The following CELSR1 variants were observed in gnomAD, a reference collection of about 807,000 sequenced individuals.
The protein encoded by CELSR1 is cadherin EGF LAG seven-pass G-type receptor 1, also known as adhesion G protein-coupled receptor C1.
A neutral mutation model predicts 249.1 loss-of-function variants in CELSR1; 110 were observed. The ratio of observed to expected loss-of-function variants is 0.44; its 90% CI spans 0.38 to 0.52. The LOEUF (loss-of-function observed/expected upper bound fraction) is 0.52, where lower values mean the gene tolerates loss of function less well. Ranked by LOEUF, CELSR1 falls within the 20% of genes least tolerant of loss-of-function variation. The pLI, the probability that CELSR1 is intolerant of heterozygous loss-of-function variation, is 0.00. For missense variants in CELSR1, 4,109 were observed against 4,296.4 expected (o/e 0.96, Z 1.22); for synonymous variants, 2,113 against 1,900.0 (o/e 1.11, Z -2.92).
chr22:46,411,989 G>C lies in CELSR1; in HGVS notation c.4612-230C>G, dbSNP rs1381678751. 6.6e-6 allele frequency among the ~76,000 whole-genome samples: 1 copy of C among 152,216 alleles called. No individual in the cohort carries two copies. The highest frequency in any genetic ancestry group is 1.5e-5 in the Non-Finnish European group (1 of 68,046). On this transcript the variant is annotated intron_variant, in intron 5 of 34. Transcript: ENST00000674500. This position sits in a 1 kb window ranked among gnomAD's most constrained non-coding sequence, Gnocchi z 4.2. ...CAGAACGTGGCCTGGTCTGGACAAA[G>C]AGCTGGTGCTGATGGAATTAGCTAA...
At chr22:46,404,128 GA>G (rs1294052780) in intron 9 of CELSR1, among the ~76,000 whole-genome samples, 1 of 151,990 alleles carries the variant, frequency 6.6e-6, no homozygotes, top group African/African-American at 2.4e-5. Context: ...AATGCTACAT[GA>G]GGCTGGGCGC....
At position 46,463,870 on chromosome 22, in the gene CELSR1, G is replaced by A. The variant is rs752003530; in HGVS notation, c.4020C>T (p.Pro1340=). Residue 1340 remains proline, a synonymous_variant, in exon 2 of 35, where the codon CCC becomes CCT. Coordinates refer to ENST00000674500, the MANE Select transcript of CELSR1 (RefSeq NM_001378328.1). ...FLSSTTVLFR[P]IHPINGLRCR... ...AGCGCAGGCCGTTGATGGGGTGGATGGGCCGGAAGAGCACGGTGGTGGAGC... is the reference window on the plus strand; with the variant it reads ...AGCGCAGGCCGTTGATGGGGTGGATAGGCCGGAAGAGCACGGTGGTGGAGC... The A allele has an allele frequency of 3.2e-5, 51 of 1,612,692 alleles. No individual in the cohort carries two copies. Among genetic ancestry groups the A allele is most frequent in the African/African-American group, 4.0e-5 (3 of 74,942 alleles).
intron 9 of CELSR1, among the ~76,000 whole-genome samples, chr22:46,403,625 T>C (rs985808403): frequency 6.6e-6 from 1 of 151,950 alleles, no homozygotes; most frequent in African/African-American, 2.4e-5. Flanking sequence ...ACCTACTTGA[T>C]GTATATAGAA....
chr22:46,379,840 G>A (rs752356943), intron 22 of CELSR1, among the ~76,000 whole-genome samples: 7 of 152,064 alleles, frequency 4.6e-5, no homozygotes, highest in East Asian at 3.9e-4. Context: ...TCCCCTTCCC[G>A]GCACTCCCTC....
chr22:46,385,371 A>G (rs2079021142), intron 19 of CELSR1, among the ~76,000 whole-genome samples: 1 of 152,226 alleles, frequency 6.6e-6, no homozygotes, highest in Admixed American at 6.5e-5. Context: ...CTGGGATTAC[A>G]GGTGTGAACT....
intron 1 of CELSR1, among the ~76,000 whole-genome samples, chr22:46,503,767 C>T (rs1380405620): frequency 3.3e-5 from 5 of 152,204 alleles, no homozygotes; most frequent in African/African-American, 1.2e-4. Flanking sequence ...CAGCGTCTCA[C>T]GCCGGTAATC....
Position 46,430,939 on chromosome 22 carries a change from C to T in CELSR1, c.4611+2454G>A, listed in dbSNP as rs534694410. 7.2e-5 allele frequency among the ~76,000 whole-genome samples: 11 copies of T among 152,186 alleles called. No individual in the cohort carries two copies. Among genetic ancestry groups the T allele is most frequent in the Non-Finnish European group, 1.2e-4 (8 of 68,024 alleles). On this transcript the variant is annotated intron_variant, in intron 5 of 34. Coordinates refer to ENST00000674500, the MANE Select transcript of CELSR1 (RefSeq NM_001378328.1). The surrounding 1 kb of genome is among the most constrained non-coding windows in gnomAD (Gnocchi z 4.6). ...GCTAACACATCCTAGTGTGTGGCCC[C>T]GTCAGACCTCCTAATGGACGCCTGA...
At chr22:46,494,580 C>T (rs187319771) in intron 1 of CELSR1, among the ~76,000 whole-genome samples, 5 of 152,256 alleles carry the variant, frequency 3.3e-5, no homozygotes, top group African/African-American at 7.2e-5. Context: ...ATGATCTAGG[C>T]TCACTGAAAC....
rs1161453615 is a variant in CELSR1 at position 46,535,391 on chromosome 22, A to T, written c.1780T>A (p.Ser594Thr). 1.2e-6 allele frequency: 2 copies of T among 1,610,932 alleles called. No individual in the cohort carries two copies. Among genetic ancestry groups the T allele is most frequent in the Non-Finnish European group, 1.7e-6 (2 of 1,178,948 alleles). The change falls in exon 1 of 35, where the codon TCT becomes ACT. Residue 594 changes from serine to threonine, a missense_variant. Around this residue, in one of 7 missense-constraint regions of CELSR1, gnomAD observed 886 missense variants for 896.5 expected, o/e 0.99. Transcript: ENST00000674500. ...VVHIQAVDAD[S>T]GENARLHYRL... ...TAGTGCAGCCGGGCGTTCTCTCCAG[A>T]GTCCGCGTCCACCGCCTGAATGTGC... is the stretch of plus-strand genomic sequence containing the variant.
chr22:46,459,954 C>T (rs988992947), intron 2 of CELSR1, among the ~76,000 whole-genome samples: 1 of 152,236 alleles, frequency 6.6e-6, no homozygotes, highest in African/African-American at 2.4e-5. Context: ...CGCCTGTAAA[C>T]CCAACACTTT....
rs2078794242 is a variant in CELSR1 at position 46,367,134 on chromosome 22, T to C, written c.8080-16A>G. The C allele has an allele frequency of 1.9e-6, 3 of 1,608,406 alleles. No individual in the cohort carries two copies. The highest frequency in any genetic ancestry group is 1.3e-5 in the African/African-American group (1 of 74,958). The stretch of plus-strand genomic sequence containing the variant: ...CGAAGGGGCCCTGGAGGGAGGAAGG[T>C]GGGGTCAGCACCTGCTGCTGCCTCC... On this transcript the variant is annotated splice_polypyrimidine_tract_variant and intron_variant, in intron 28 of 34. Transcript: ENST00000674500.
chr22:46,454,942 G>A lies in CELSR1; in HGVS notation c.4183+8765C>T, dbSNP rs1458217237. On this transcript the variant is annotated intron_variant, in intron 2 of 34. Coordinates refer to ENST00000674500, the MANE Select transcript of CELSR1 (RefSeq NM_001378328.1). The surrounding 1 kb of genome is among the most constrained non-coding windows in gnomAD (Gnocchi z 5.1). ...CTTGTTTGGAAATAGGGTCTTTGTA[G>A]AGGTAATCGACTTAGGATGAGATCA... is the stretch of plus-strand genomic sequence containing the variant. 2.0e-5 allele frequency among the ~76,000 whole-genome samples: 3 copies of A among 152,244 alleles called. No homozygotes were observed. The highest frequency in any genetic ancestry group is 7.2e-5 in the African/African-American group (3 of 41,474).
In CELSR1 at chr22:46,536,636, C is replaced by T. The variant is rs920702160; in HGVS notation, c.535G>A (p.Val179Ile). Residue 179 changes from valine (V) to isoleucine (I), a missense_variant, in exon 1 of 35, where the codon GTC becomes ATC. Val to Ile is a conservative substitution (Grantham distance 29). This residue lies in a region of CELSR1 where 673 missense variants were observed against 636.8 expected (regional missense o/e 1.06). Transcript: ENST00000674500. ...AGGGCGCACAGCAGACGCAGGCGGACCGAGCCGCCCGGCGGCAGGCAGATG... is the reference window on the plus strand; with the variant it reads ...AGGGCGCACAGCAGACGCAGGCGGATCGAGCCGCCCGGCGGCAGGCAGATG... ...RPICLPPGGS[V>I]RLRLLCALRR... 1 of 1,167,628 alleles carries T rather than the reference C, an allele frequency of 8.6e-7. No individual in the cohort carries two copies. 72.3% of individuals were successfully genotyped at this position (1,167,628 alleles called of 1,614,324 possible).
chr22:46,378,511 CGGGGAGGTGCAGGTTTGGG>C, intron 23 of CELSR1, 61 bp downstream of exon 23: 2 of 1,391,572 alleles, frequency 1.4e-6, no homozygotes, highest in Non-Finnish European at 1.9e-6. Flanking sequence ...GCAGGTTTGG[CGGGGAGGTGCAGGTTTGGG>C]GGGGAGGGGC....
Position 46,440,298 on chromosome 22 carries a change from G to A in CELSR1, c.4184-887C>T, listed in dbSNP as rs1483949750. 6.6e-6 allele frequency among the ~76,000 whole-genome samples: 1 copy of A among 152,178 alleles called. No homozygotes were observed. Among genetic ancestry groups the A allele is most frequent in the Non-Finnish European group, 1.5e-5 (1 of 68,032 alleles). On this transcript the variant is annotated intron_variant, in intron 2 of 34. Transcript: ENST00000674500. The surrounding 1 kb of genome is among the most constrained non-coding windows in gnomAD (Gnocchi z 4.7). ...GGTGACACTCCCGCCCCCGGACAGG[G>A]ATGGTGAGCCGCAATCTGCACAGCC...
rs1044166061 is a variant in CELSR1, at chr22:46,413,780, T to C, written c.4612-2021A>G. 6.6e-6 allele frequency among the ~76,000 whole-genome samples: 1 copy of C among 152,204 alleles called. No homozygotes were observed. Among genetic ancestry groups the C allele is most frequent in the African/African-American group, 2.4e-5 (1 of 41,456 alleles). ...TTTCTCGCTGTGTAACGCGGCCCAC[T>C]TTGGAAAACGCGTGGAAGTGCCCAT... On this transcript the variant is annotated intron_variant, in intron 5 of 34. Coordinates refer to ENST00000674500, the MANE Select transcript of CELSR1 (RefSeq NM_001378328.1). This position sits in a 1 kb window ranked among gnomAD's most constrained non-coding sequence, Gnocchi z 4.7.
In CELSR1 at chr22:46,536,148, G is replaced by C. The variant is rs568254189; in HGVS notation, c.1023C>G (p.Val341=). Reference sequence around the variant, plus strand: ...TGTGGTCGTTGGTGTCTTTGACCAAGACAGTGATGTAGGTGGTGGCCGAGC... The same window carrying C: ...TGTGGTCGTTGGTGTCTTTGACCAACACAGTGATGTAGGTGGTGGCCGAGC... ...PPRSATTYIT[V]LVKDTNDHSP... is the part of the protein sequence containing the mutation. Residue 341 remains valine, a synonymous_variant, in exon 1 of 35, where the codon GTC becomes GTG. Coordinates refer to ENST00000674500, the MANE Select transcript of CELSR1 (RefSeq NM_001378328.1). 6.2e-7 allele frequency: 1 copy of C among 1,612,988 alleles called. No individual in the cohort carries two copies. Among genetic ancestry groups the C allele is most frequent in the South Asian group, 1.1e-5 (1 of 91,090 alleles).
chr22:46,371,648 C>T (rs1648214302), intron 25 of CELSR1, among the ~76,000 whole-genome samples: 1 of 151,018 alleles, frequency 6.6e-6, no homozygotes, highest in Non-Finnish European at 1.5e-5. Context: ...TCCATCCATC[C>T]ACCCACTCAT....
intron 2 of CELSR1, among the ~76,000 whole-genome samples, chr22:46,461,657 G>C (rs1476403978): frequency 2.0e-5 from 3 of 149,234 alleles, no homozygotes; most frequent in Non-Finnish European, 4.5e-5. Flanking sequence ...TCACCCCCCA[G>C]AACAGGCTGG....
Sources: gnomAD v4.1 joint callset for allele counts (sites outside exome capture counted in the v4.1 genomes callset) on GRCh38, gnomAD v4.1.1 for gene constraint, gnomAD v4.1.1 regional missense constraint, Gnocchi (gnomAD v3.1) non-coding constraint, MANE v1.5 for transcripts, NCBI Gene and HGNC (gene_info 2026-07-23, HGNC 2026-07-21) for gene names.